RP1: variants seen among roughly 807,000 people sequenced by gnomAD.
The protein encoded by RP1 is oxygen-regulated protein 1.
In RP1, 16 loss-of-function variants were observed where a neutral mutation model predicts 14.8. The observed-to-expected ratio is 1.08, with a 90% CI of 0.73 to 1.65. The LOEUF (loss-of-function observed/expected upper bound fraction) is 1.65, where lower values mean the gene tolerates loss of function less well. Ranked by LOEUF, RP1 falls within the 40% of genes most tolerant of loss-of-function variation. The probability of loss-of-function intolerance (pLI) is 0.00; values close to 1 mark genes in which losing one functional copy is unlikely to be tolerated. For synonymous variants in RP1, 876 were observed against 883.6 expected, an observed-to-expected ratio of 0.99 and a Z score of 0.15; for missense variants, 2,631 against 2,535.0, an observed-to-expected ratio of 1.04 and a Z score of -0.81.
intron 3 of RP1, among the ~76,000 whole-genome samples, chr8:54,642,086 C>G (rs1806463434): frequency 6.6e-6 from 1 of 152,068 alleles, no homozygotes; most frequent in Non-Finnish European, 1.5e-5. Flanking sequence ...ACTTATAGAT[C>G]ATTAAAGATT....
chr8:54,754,910 A>G, exon 20 of RP1: 2 of 1,526,318 alleles, frequency 1.3e-6, no homozygotes, highest in Non-Finnish European at 1.8e-6. Flanking sequence ...TTCCTGTAGT[A>G]AAAGGAGGAC....
chr8:54,576,763 T>C (rs1804673495), intron 1 of RP1, among the ~76,000 whole-genome samples: 2 of 152,224 alleles, frequency 1.3e-5, no homozygotes, highest in Non-Finnish European at 2.9e-5. Flanking sequence ...TCTTTCCACT[T>C]TGGGTCTGGA....
chr8:54,640,449 T>C (rs959310029), intron 3 of RP1, among the ~76,000 whole-genome samples: 1 of 152,330 alleles, frequency 6.6e-6, no homozygotes, highest in Admixed American at 6.5e-5. Context: ...CAATCTAGGT[T>C]CTTTCATTTT....
At position 54,850,173 on chromosome 8, in the gene RP1, G is replaced by A. The variant is rs141968300; in HGVS notation, c.3836-2401G>A. ...CTTTTTCAAATACTTTAAGCTAAAT[G>A]ACAGTGATAGATGCAGTAATAGCCA... On this transcript the variant is annotated intron_variant, in intron 25 of 28. Transcript: ENST00000637698. Among the ~76,000 whole-genome samples the A allele has an allele frequency of 1.2e-4, 19 of 152,258 alleles. No homozygotes were observed. In the East Asian group the frequency reaches 3.5e-3, roughly 28 times the overall value.
At chr8:54,668,704 G>T (rs1363710413) in intron 7 of RP1, among the ~76,000 whole-genome samples, 1 of 152,072 alleles carries the variant, frequency 6.6e-6, no homozygotes, top group Non-Finnish European at 1.5e-5. Flanking sequence ...CAGAGCAGAG[G>T]CCTCAGAAAT....
intron 1 of RP1, among the ~76,000 whole-genome samples, chr8:54,584,805 T>A (rs917909379): frequency 6.6e-6 from 1 of 152,196 alleles, no homozygotes; most frequent in African/African-American, 2.4e-5. Context: ...CTGTTTTATC[T>A]GAGACTAAGA....
chr8:54,562,906 A>T (rs145559498), intron 1 of RP1, among the ~76,000 whole-genome samples: 7 of 152,288 alleles, frequency 4.6e-5, no homozygotes, highest in African/African-American at 1.2e-4. Context: ...AATGCCTTCT[A>T]TTTCTACAGG....
At chr8:54,663,734 C>A (rs1197532495) in exon 7 of RP1, 1 of 1,533,110 alleles carries the variant, frequency 6.5e-7, no homozygotes, top group African/African-American at 1.4e-5. Context: ...AACGGGTGAG[C>A]TATGGAATGC....
At chr8:54,735,879 C>T (rs566058707) in intron 18 of RP1, among the ~76,000 whole-genome samples, 20 of 152,216 alleles carry the variant, frequency 1.3e-4, no homozygotes, top group African/African-American at 4.8e-4. Flanking sequence ...TAAATCCTAT[C>T]AATGTTTTTC....
rs192625223 is a variant in RP1 at position 54,624,552 on chromosome 8, A to T, written c.788-118A>T. On this transcript the variant is annotated intron_variant, in intron 3 of 3. Coordinates refer to ENST00000220676, the MANE Select transcript of RP1 (RefSeq NM_006269.2). The stretch of plus-strand genomic sequence containing the variant: ...CAGAAAATATGCTACTTTTCATACT[A>T]ATCATTTCCCCTTTTCTCTTTCTTT... 2.2e-4 allele frequency: 202 copies of T among 928,534 alleles called. 1 individual carries two copies. Among genetic ancestry groups the T allele is most frequent in the Admixed American group, 4.5e-4 (23 of 50,880 alleles). The allele number at this position is 928,534 out of a possible 1,614,324, so 57.5% of individuals were successfully genotyped here.
At chr8:54,658,740 G>T (rs72650333) in intron 6 of RP1, among the ~76,000 whole-genome samples, 1 of 151,822 alleles carries the variant, frequency 6.6e-6, no homozygotes, top group South Asian at 2.1e-4. Context: ...ACTCTTTTGG[G>T]TGTGTATCTA....
chr8:54,816,437 TTGAC>T (rs1343934470), intron 24 of RP1, among the ~76,000 whole-genome samples: 1 of 152,188 alleles, frequency 6.6e-6, no homozygotes. Flanking sequence ...CTGCTAAACT[TTGAC>T]TGGACTTTTA....
intron 12 of RP1, among the ~76,000 whole-genome samples, chr8:54,682,790 C>A (rs913807711): frequency 1.3e-5 from 2 of 152,072 alleles, no homozygotes; most frequent in African/African-American, 4.8e-5. Context: ...TGTGCAGAAG[C>A]TCTTTAGTTT....
At chr8:54,648,080 C>T (rs1317948396) in intron 3 of RP1, among the ~76,000 whole-genome samples, 2 of 152,148 alleles carry the variant, frequency 1.3e-5, no homozygotes, top group African/African-American at 4.8e-5. Context: ...TGTGCTCTCT[C>T]TCTCTCCTGC....
At chr8:54,869,154 G>A (rs1463539108) in intron 28 of RP1, among the ~76,000 whole-genome samples, 1 of 151,890 alleles carries the variant, frequency 6.6e-6, no homozygotes, top group Non-Finnish European at 1.5e-5. Context: ...TAAATTTTTT[G>A]CCTGAATATA....
chr8:54,604,450 C>T (rs200474058), intron 1 of RP1, among the ~76,000 whole-genome samples: 1 of 152,116 alleles, frequency 6.6e-6, no homozygotes, highest in African/African-American at 2.4e-5. Context: ...CAGTATTTTA[C>T]TGAGGATTTT....
chr8:54,716,228 G>T (rs2129348721), intron 15 of RP1, among the ~76,000 whole-genome samples: 1 of 152,196 alleles, frequency 6.6e-6, no homozygotes, highest in South Asian at 2.1e-4. Context: ...AGTAATCCTA[G>T]TATGTTCCAG....
chr8:54,654,714 C>T (rs1392548415), intron 5 of RP1, among the ~76,000 whole-genome samples: 1 of 152,182 alleles, frequency 6.6e-6, no homozygotes, highest in Non-Finnish European at 1.5e-5. Flanking sequence ...GTAGCACGAT[C>T]ATGGCTCACT....
chr8:54,759,280 C>G (rs1379732846), intron 22 of RP1, among the ~76,000 whole-genome samples: 1 of 151,816 alleles, frequency 6.6e-6, no homozygotes, highest in Non-Finnish European at 1.5e-5. Flanking sequence ...GAAGACTTAT[C>G]TTATAATTTC....
Sources: gnomAD v4.1 joint callset for allele counts (sites outside exome capture counted in the v4.1 genomes callset) on GRCh38, gnomAD v4.1.1 for gene constraint, MANE v1.5 for transcripts, NCBI Gene and HGNC (gene_info 2026-07-23, HGNC 2026-07-21) for gene names.